Variants in ZNF565 observed in about 807,000 individuals in gnomAD.
ZNF565 encodes the protein zinc finger protein 565.
ZNF565 carries 27 observed loss-of-function variants against 39.4 expected under a neutral mutation model. That is an observed-to-expected ratio of 0.69 (90% CI 0.51 to 0.95). The LOEUF (loss-of-function observed/expected upper bound fraction) is 0.95, where lower values mean the gene tolerates loss of function less well. ZNF565 is among the 40% of genes least tolerant of loss of function. The pLI is 0.00. For missense variants in ZNF565, 524 were observed against 621.1 expected, an observed-to-expected ratio of 0.84 and a Z score of 1.66; for synonymous variants, 185 against 216.6, an observed-to-expected ratio of 0.85 and a Z score of 1.28.
intron 1 of ZNF565, among the ~76,000 whole-genome samples, chr19:36,223,653 G>A (rs1453255878): frequency 2.1e-5 from 3 of 142,248 alleles, no homozygotes; most frequent in Non-Finnish European, 3.0e-5. Flanking sequence ...GTGAGCCACC[G>A]CGCGTGGCTG....
At position 36,245,551 on chromosome 19, in the gene ZNF565, G is replaced by C. The variant is rs1447361778; in HGVS notation, c.-21C>G. 7.1e-6 allele frequency: 5 copies of C among 702,334 alleles called. No individual in the cohort carries two copies. In the East Asian group the frequency reaches 1.1e-4, roughly 15 times the overall value. The allele number at this position is 702,334 out of a possible 1,614,324, so 43.5% of individuals were successfully genotyped here. The stretch of plus-strand genomic sequence containing the variant: ...CGCATTTAGGTGGTGGCTTGCTCTG[G>C]ACTACATTTCCCAGGGTCCACCGCG... On this transcript the variant is annotated 5_prime_UTR_variant, in exon 1 of 5. Coordinates refer to the ZNF565 transcript ENST00000355114. The surrounding 1 kb of genome is among the most constrained non-coding windows in gnomAD (Gnocchi z 4.4).
chr19:36,217,136 C>T (rs1212862546), upstream of ZNF565, among the ~76,000 whole-genome samples: 5 of 139,838 alleles, frequency 3.6e-5, no homozygotes, highest in South Asian at 9.6e-4. Flanking sequence ...AATCTCTGCT[C>T]CCTGCAACCT....
At chr19:36,184,001 C>G (rs1314484380) in intron 4 of ZNF565, among the ~76,000 whole-genome samples, 2 of 139,086 alleles carry the variant, frequency 1.4e-5, no homozygotes, top group East Asian at 2.4e-4. Context: ...TCGCTTGAAC[C>G]TGGGAGGCAG....
chr19:36,237,615 C>G (rs1366012867), intron 1 of ZNF565: 1 of 255,918 alleles, frequency 3.9e-6, no homozygotes, highest in Non-Finnish European at 8.0e-6. Context: ...CACCATAGAT[C>G]TGGAGATCTT....
intron 2 of ZNF565, among the ~76,000 whole-genome samples, chr19:36,198,339 A>G (rs950570559): frequency 3.3e-5 from 5 of 152,134 alleles, no homozygotes; most frequent in Admixed American, 3.3e-4. Flanking sequence ...TGCAACATGA[A>G]TGGAACTGGA....
chr19:36,237,304 A>G, intron 1 of ZNF565: 1 of 1,604,654 alleles, frequency 6.2e-7, no homozygotes, highest in South Asian at 1.1e-5. Context: ...GACACCAGAA[A>G]ATTCATACTC....
At chr19:36,194,531 A>G (rs1205576272) in intron 3 of ZNF565, 1 of 518,164 alleles carries the variant, frequency 1.9e-6, no homozygotes, top group Non-Finnish European at 3.4e-6. Context: ...ATTCAGTCAG[A>G]AACTTGTAAG....
At chr19:36,187,176 G>A (rs1395024744) in intron 4 of ZNF565, among the ~76,000 whole-genome samples, 8 of 151,150 alleles carry the variant, frequency 5.3e-5, no homozygotes, top group Non-Finnish European at 1.5e-5. Flanking sequence ...GGAAACAGGA[G>A]CGAAACTCCA....
chr19:36,211,801 CA>C (rs142335068), intron 1 of ZNF565, among the ~76,000 whole-genome samples: 24,792 of 136,518 alleles, frequency 0.18, 2,417 homozygotes, highest in Non-Finnish European at 0.23. Flanking sequence ...TCAAAAAAAA[CA>C]AAAAAAAAAA....
At chr19:36,187,407 G>T (rs1599912619) in intron 4 of ZNF565, among the ~76,000 whole-genome samples, 2 of 151,938 alleles carry the variant, frequency 1.3e-5, no homozygotes, top group South Asian at 2.1e-4. Context: ...TGTCGCCCAG[G>T]CTGGAGTGCA....
Position 36,190,233 on chromosome 19 carries a change from T to C in ZNF565, c.232+4000A>G, listed in dbSNP as rs73038003. ...GCACTCAAAGATGTCTGTGTCTTTATTCCTGGAACCTATGAATGTTGTCAC... is the reference window on the plus strand; with the variant it reads ...GCACTCAAAGATGTCTGTGTCTTTACTCCTGGAACCTATGAATGTTGTCAC... On this transcript the variant is annotated intron_variant, in intron 4 of 4. Coordinates refer to ENST00000304116, the MANE Select transcript of ZNF565 (RefSeq NM_152477.5). Among the ~76,000 whole-genome samples the C allele has an allele frequency of 2.7e-3, 413 of 152,300 alleles. 5 individuals are homozygous for C. The highest frequency in any genetic ancestry group is 5.2e-3 in the Non-Finnish European group (357 of 68,030).
intron 1 of ZNF565, chr19:36,238,581 TA>T (rs988544011): frequency 6.0e-5 from 10 of 167,022 alleles, no homozygotes; most frequent in Admixed American, 5.9e-4. Flanking sequence ...TTTCTCAAAA[TA>T]GGAATGGGAG....
At position 36,182,925 on chromosome 19, in the gene ZNF565, G is replaced by C; in HGVS notation, c.1041C>G (p.Ser347Arg). ...CKECGKGFIH[S>R]SEVTRHQRIH... The stretch of plus-strand genomic sequence containing the variant: ...TTCTTTGATGTCGAGTAACTTCTGA[G>C]CTGTGAATAAAGCCCTTTCCGCATT... Residue 347 changes from serine (S) to arginine (R), a missense_variant, in exon 5 of 5, where the codon AGC becomes AGG. Ser to Arg is a moderately radical substitution (Grantham distance 110). Coordinates refer to ENST00000304116, the MANE Select transcript of ZNF565 (RefSeq NM_152477.5). 6.2e-7 allele frequency: 1 copy of C among 1,613,998 alleles called. No individual in the cohort carries two copies. Among genetic ancestry groups the C allele is most frequent in the Non-Finnish European group, 8.5e-7 (1 of 1,180,004 alleles).
In ZNF565 at chr19:36,194,907, T is replaced by G. The variant is rs760074379; in HGVS notation, c.136+123A>C. On this transcript the variant is annotated intron_variant, in intron 3 of 4. Coordinates refer to ENST00000304116, the MANE Select transcript of ZNF565 (RefSeq NM_152477.5). ...CGGGCCTCTCTCTATGGCTGTAGTT[T>G]GTAGCGTCTCCTGTGACAGTTTCCT... is the stretch of plus-strand genomic sequence containing the variant. 3 of 1,465,244 alleles carry G rather than the reference T, an allele frequency of 2.0e-6. No homozygotes were observed. The Admixed American group carries it at 5.4e-5, about 26-fold the overall frequency. The allele number at this position is 1,465,244 out of a possible 1,614,324, so 90.8% of individuals were successfully genotyped here.
intron 2 of ZNF565, among the ~76,000 whole-genome samples, chr19:36,201,173 G>A (rs994941285): frequency 6.6e-6 from 1 of 152,078 alleles, no homozygotes; most frequent in Admixed American, 6.6e-5. Flanking sequence ...GTGGTGGCAT[G>A]TGGCTCTGGT....
intron 2 of ZNF565, among the ~76,000 whole-genome samples, 190 bp downstream of exon 2, chr19:36,201,787 A>G (rs1975973586): frequency 6.6e-6 from 1 of 152,144 alleles, no homozygotes; most frequent in African/African-American, 2.4e-5. Context: ...TGCTCTGCTA[A>G]GAGGACTACA....
intron 1 of ZNF565, chr19:36,237,230 G>A: frequency 6.2e-7 from 1 of 1,614,032 alleles, no homozygotes; most frequent in Non-Finnish European, 8.5e-7. Context: ...AATACACACA[G>A]GTAAGAAGCC....
intron 4 of ZNF565, among the ~76,000 whole-genome samples, chr19:36,184,411 A>AT (rs1180008404): frequency 6.6e-6 from 1 of 151,864 alleles, no homozygotes; most frequent in African/African-American, 2.4e-5. Context: ...GATTACAGGC[A>AT]CTGCTACCAC....
intron 2 of ZNF565, among the ~76,000 whole-genome samples, chr19:36,196,172 C>T (rs912850304): frequency 2.0e-5 from 3 of 151,926 alleles, no homozygotes; most frequent in East Asian, 3.9e-4. Context: ...CCTCATGATA[C>T]GCCCGCCTTG....
Sources: gnomAD v4.1 joint callset for allele counts (sites outside exome capture counted in the v4.1 genomes callset) on GRCh38, gnomAD v4.1.1 for gene constraint, Gnocchi (gnomAD v3.1) non-coding constraint, MANE v1.5 for transcripts, NCBI Gene and HGNC (gene_info 2026-07-23, HGNC 2026-07-21) for gene names.